GYS2: variants seen among roughly 807,000 people sequenced by gnomAD.
GYS2 encodes the protein glycogen [starch] synthase, liver.
In GYS2, 80 loss-of-function variants were observed where a neutral mutation model predicts 85.6. The observed-to-expected ratio is 0.93, with a 90% CI of 0.78 to 1.13. The LOEUF (loss-of-function observed/expected upper bound fraction) is 1.13. Among genes scored for constraint, GYS2 ranks in the 50% most tolerant of loss-of-function variants. The pLI, the probability that GYS2 is intolerant of heterozygous loss-of-function variation, is 0.00. For synonymous variants in GYS2, 328 were observed against 300.7 expected (o/e 1.09, Z -0.94); for missense variants, 881 against 854.9 (o/e 1.03, Z -0.38).
intron 4 of GYS2, among the ~76,000 whole-genome samples, chr12:21,570,492 G>C (rs924600006): frequency 5.3e-5 from 8 of 152,240 alleles, no homozygotes; most frequent in Non-Finnish European, 1.2e-4. Flanking sequence ...CTCTACAAAT[G>C]TAAGACTTTC....
intron 1 of GYS2, among the ~76,000 whole-genome samples, chr12:21,599,092 ATCTCTCTCTG>A (rs1326204624): frequency 6.7e-6 from 1 of 148,652 alleles, no homozygotes; most frequent in African/African-American, 2.5e-5. Context: ...TCTCTCCCCC[ATCTCTCTCTG>A]TCTCTCTCTC....
chr12:21,546,435 AC>A lies in GYS2; in HGVS notation c.1457del (p.Ser486IlefsTer36). 1 of 1,599,256 alleles carries A rather than the reference AC, an allele frequency of 6.3e-7. No homozygotes were observed. The highest frequency in any genetic ancestry group is 8.6e-7 in the Non-Finnish European group (1 of 1,167,418). On this transcript the variant is annotated frameshift_variant, in exon 12 of 16. Transcript: ENST00000261195. LOFTEE classifies it high-confidence loss of function. ...ILHPEFLSST[S>X]PLLPMDYEEF... The stretch of plus-strand genomic sequence containing the variant: ...CTTCATAGTCCATGGGTAGTAAGGG[AC>A]TGGTGGAGGATAGAAACTCTGGGTG...
intron 7 of GYS2, among the ~76,000 whole-genome samples, chr12:21,562,347 C>T (rs78341778): frequency 0.035 from 5,258 of 151,968 alleles, 309 homozygotes; most frequent in African/African-American, 0.12. Context: ...TTCGTGCTGT[C>T]GGGTTTGGCT....
At chr12:21,569,201 G>A (rs1944358225) in intron 4 of GYS2, among the ~76,000 whole-genome samples, 192 bp from the exon 5 acceptor site, 1 of 152,094 alleles carries the variant, frequency 6.6e-6, no homozygotes, top group Non-Finnish European at 1.5e-5. Context: ...AAAAGACATT[G>A]TTTACTCCAT....
chr12:21,572,521 A>C (rs1376066651), intron 4 of GYS2, among the ~76,000 whole-genome samples: 1 of 152,190 alleles, frequency 6.6e-6, no homozygotes, highest in Non-Finnish European at 1.5e-5. Context: ...GTGTAAAATG[A>C]CTATGAATTT....
rs534382238 is a variant in GYS2, at chr12:21,544,316, A to C, written c.1550-1725T>G. Among the ~76,000 whole-genome samples the C allele has an allele frequency of 3.3e-5, 5 of 152,288 alleles. No homozygotes were observed. The South Asian group carries it at 6.2e-4, about 19-fold the overall frequency. ...CAAACTCCCTTATTTGTCTATTTAT[A>C]ATATCCTTTGTAACATCTTCTTTGG... On this transcript the variant is annotated intron_variant, in intron 12 of 15. Transcript: ENST00000261195.
At position 21,550,351 on chromosome 12, in the gene GYS2, A is replaced by ACACC. The variant is rs762663961; in HGVS notation, c.1423-3882_1423-3881insGGTG. 9.3e-4 allele frequency among the ~76,000 whole-genome samples: 96 copies of ACACC among 103,170 alleles called. 1 individual carries two copies. Among genetic ancestry groups the ACACC allele is most frequent in the African/African-American group, 3.0e-3 (87 of 29,226 alleles). 67.7% of individuals were successfully genotyped at this position (103,170 alleles called of 152,430 possible). ...CACACACACACACACACACACACACACCCCTGGTTTTTACTACCTTTAATT... is the reference window on the plus strand; with the variant it reads ...CACACACACACACACACACACACACACACCCCCCTGGTTTTTACTACCTTTAATT... On this transcript the variant is annotated intron_variant, in intron 11 of 15. Coordinates refer to ENST00000261195, the MANE Select transcript of GYS2 (RefSeq NM_021957.4).
chr12:21,550,314 AACACACACACACACAC>A (rs10582787), intron 11 of GYS2, among the ~76,000 whole-genome samples: 6 of 148,330 alleles, frequency 4.0e-5, no homozygotes, highest in South Asian at 2.2e-4. Context: ...AGACAGAAAG[AACACACACACACACAC>A]ACACACACAC....
At chr12:21,604,065 T>C (rs1944781000) in intron 1 of GYS2, among the ~76,000 whole-genome samples, 1 of 152,150 alleles carries the variant, frequency 6.6e-6, no homozygotes, top group Non-Finnish European at 1.5e-5. Context: ...ACTAACAGAA[T>C]GTAGAGTTGA....
chr12:21,565,696 T>TA (rs916693673), intron 5 of GYS2, among the ~76,000 whole-genome samples: 1 of 151,616 alleles, frequency 6.6e-6, no homozygotes, highest in African/African-American at 2.4e-5. Context: ...TTTAAATTTT[T>TA]AAAAAATCAA....
At chr12:21,557,884 G>A (rs1944202025) in intron 11 of GYS2, among the ~76,000 whole-genome samples, 1 of 151,934 alleles carries the variant, frequency 6.6e-6, no homozygotes, top group African/African-American at 2.4e-5. Flanking sequence ...GGGCGACAGA[G>A]CGAGACTCCG....
intron 11 of GYS2, among the ~76,000 whole-genome samples, chr12:21,551,613 A>G (rs1250674164): frequency 6.6e-6 from 1 of 152,178 alleles, no homozygotes; most frequent in Non-Finnish European, 1.5e-5. Context: ...CAGCAGATCC[A>G]TAAGTAAGAG....
At chr12:21,585,954 A>G (rs115241643) in intron 1 of GYS2, among the ~76,000 whole-genome samples, 18 of 152,320 alleles carry the variant, frequency 1.2e-4, no homozygotes, top group African/African-American at 4.1e-4. Context: ...TTATTTGAAG[A>G]TAATGTATGA....
chr12:21,565,791 T>C (rs1944313387), intron 5 of GYS2, among the ~76,000 whole-genome samples: 1 of 115,738 alleles, frequency 8.6e-6, no homozygotes, highest in African/African-American at 2.9e-5. Flanking sequence ...ACTAATTTCT[T>C]GCTATTGTTC....
chr12:21,596,953 A>G (rs1421558433), intron 1 of GYS2, among the ~76,000 whole-genome samples: 1 of 152,160 alleles, frequency 6.6e-6, no homozygotes, highest in Non-Finnish European at 1.5e-5. Context: ...CTATACACCA[A>G]CAGCAACCAA....
chr12:21,540,509 A>G lies in GYS2; in HGVS notation c.1710T>C (p.Phe570=), dbSNP rs149907949. 9.7e-5 allele frequency: 157 copies of G among 1,613,910 alleles called. No individual in the cohort carries two copies. The African/African-American group carries it at 1.8e-3, about 19-fold the overall frequency. The part of the protein sequence containing the change: ...PDDSCNQLTK[F]LYGFCKQSRR... The stretch of plus-strand genomic sequence containing the variant: ...GTGACTGTTTGCAAAATCCATAGAG[A>G]AACTTAGTCAGCTGATTGCAAGAAT... Residue 570 remains phenylalanine (F), a synonymous_variant, in exon 14 of 16, where the codon TTT becomes TTC. Transcript: ENST00000261195.
At chr12:21,594,362 C>T (rs1236160469) in intron 1 of GYS2, among the ~76,000 whole-genome samples, 1 of 152,110 alleles carries the variant, frequency 6.6e-6, no homozygotes, top group Non-Finnish European at 1.5e-5. Context: ...AACCAAGACT[C>T]CACCAAAGCA....
intron 4 of GYS2, among the ~76,000 whole-genome samples, chr12:21,569,463 T>C (rs779905862): frequency 2.6e-5 from 4 of 152,166 alleles, no homozygotes; most frequent in Non-Finnish European, 5.9e-5. Flanking sequence ...AAAGGGAACC[T>C]GAAAAAGAGA....
chr12:21,546,280 T>C, intron 12 of GYS2, 64 bp downstream of exon 12: 1 of 1,113,714 alleles, frequency 9.0e-7, no homozygotes, highest in Non-Finnish European at 1.3e-6. Context: ...ATATTATATA[T>C]ATGCACATAA....
Sources: gnomAD v4.1 joint callset for allele counts (sites outside exome capture counted in the v4.1 genomes callset) on GRCh38, gnomAD v4.1.1 for gene constraint, MANE v1.5 for transcripts, NCBI Gene and HGNC (gene_info 2026-07-23, HGNC 2026-07-21) for gene names.